The following POLRMT variants were observed in gnomAD, a reference collection of about 807,000 sequenced individuals.
The protein encoded by POLRMT is RNA polymerase mitochondrial.
POLRMT carries 114 observed loss-of-function variants against 132.2 expected under a neutral mutation model. The ratio of observed to expected loss-of-function variants is 0.86; its 90% confidence interval spans 0.74 to 1.01. POLRMT has a LOEUF of 1.01. Among genes scored for constraint, POLRMT ranks in the 50% least tolerant of loss-of-function variants. The pLI is 0.00. For synonymous variants in POLRMT, 1,020 were observed against 773.4 expected (o/e 1.32, Z -5.29); for missense variants, 2,003 against 1,729.1 (o/e 1.16, Z -2.81).
chr19:632,639 G>A (rs1157518303), intron 2 of POLRMT, among the ~76,000 whole-genome samples, 195 bp downstream of exon 2: 2 of 152,206 alleles, frequency 1.3e-5, no homozygotes, highest in African/African-American at 4.8e-5. Flanking sequence ...GAGAGCTCCA[G>A]GAAGGAGCCT....
At chr19:626,455 T>C (rs1025786942) in intron 3 of POLRMT, among the ~76,000 whole-genome samples, 4 of 146,878 alleles carry the variant, frequency 2.7e-5, no homozygotes, top group African/African-American at 1.0e-4. Context: ...CGCCCAGCCA[T>C]GTATAGCTTA....
At chr19:631,481 T>C (rs563657705) in intron 2 of POLRMT, among the ~76,000 whole-genome samples, 123 of 151,498 alleles carry the variant, frequency 8.1e-4, no homozygotes, top group African/African-American at 2.8e-3. Context: ...CTACTAAAAA[T>C]ACGAAAAATT....
chr19:624,454 C>T (rs989334570), intron 5 of POLRMT, among the ~76,000 whole-genome samples: 3 of 152,184 alleles, frequency 2.0e-5, no homozygotes, highest in South Asian at 2.1e-4. Flanking sequence ...ACCTGGCAGC[C>T]CCACTCAAAC....
At chr19:623,346 C>T (rs1984777461) in intron 6 of POLRMT, 108 bp downstream of exon 6, 12 of 1,504,386 alleles carry the variant, frequency 8.0e-6, no homozygotes, top group South Asian at 2.6e-5. Context: ...CACGCGACCC[C>T]GGCTCAGCCC....
Position 617,227 on chromosome 19 carries a change from G to A in POLRMT, c.*47C>T, listed in dbSNP as rs781567525. 1.2e-6 allele frequency: 2 copies of A among 1,601,796 alleles called. No homozygotes were observed. The highest frequency in any genetic ancestry group is 1.3e-5 in the African/African-American group (1 of 74,822). ...CCTTCCTGAAGACAGTGGCTCCTGG[G>A]GGTGGCAAAAGAGCTTTATTTACAC... On this transcript the variant is annotated 3_prime_UTR_variant, in exon 21 of 21. Transcript: ENST00000588649.
In POLRMT at chr19:620,148, C is replaced by G. The variant is rs1454714707; in HGVS notation, c.2764-68G>C. 1.9e-5 allele frequency: 29 copies of G among 1,521,516 alleles called. No individual in the cohort carries two copies. In the Admixed American group the frequency reaches 5.7e-4, roughly 30 times the overall value. 94.3% of individuals were successfully genotyped at this position (1,521,516 alleles called of 1,614,324 possible). A position where few individuals can be genotyped will look rare whatever the true frequency, so the allele number is the denominator to read the frequency against. ...AGAGACGTGTGGGACCCCAAACCAC[C>G]CCCCAGGTCGAGCCGTTCCTAGGGC... On this transcript the variant is annotated intron_variant, in intron 11 of 20. Transcript: ENST00000588649.
intron 3 of POLRMT, among the ~76,000 whole-genome samples, chr19:626,035 A>C (rs189558293): frequency 9.8e-4 from 149 of 151,916 alleles, no homozygotes; most frequent in Non-Finnish European, 1.5e-4. Flanking sequence ...TTGTGACTAT[A>C]AATTACCCTG....
intron 8 of POLRMT, 58 bp downstream of exon 8, chr19:622,524 G>T: frequency 6.6e-7 from 1 of 1,524,494 alleles, no homozygotes; most frequent in African/African-American, 1.4e-5. Flanking sequence ...GCTCCAGGGA[G>T]GGAGAGCGCC....
At position 617,710 on chromosome 19, in the gene POLRMT, C is replaced by T. The variant is rs1600550785; in HGVS notation, c.3496-55G>A. 5 of 1,611,048 alleles carry T rather than the reference C, an allele frequency of 3.1e-6. No homozygotes were observed. The South Asian group carries it at 4.4e-5, about 14-fold the overall frequency. On this transcript the variant is annotated intron_variant, in intron 18 of 20. Transcript: ENST00000588649. Reference sequence around the variant, plus strand: ...TGATCAGGCAGGCTCTGGGCACCACCCCTACCCAACGCCCCAGTGTGGGGG... The same window carrying T: ...TGATCAGGCAGGCTCTGGGCACCACTCCTACCCAACGCCCCAGTGTGGGGG...
In POLRMT at chr19:631,327, C is replaced by CA. The variant is rs902588773; in HGVS notation, c.194-1160dup. On this transcript the variant is annotated intron_variant, in intron 2 of 20. Transcript: ENST00000588649. ...TGAGAGACAGAGCAGGACCCTGTCT[C>CA]AAAAAAAAAAAGGGGGGGGGGGACC... Among the ~76,000 whole-genome samples, 190 of 60,560 alleles carry CA rather than the reference C, an allele frequency of 3.1e-3. 3 individuals are homozygous for CA. The highest frequency in any genetic ancestry group is 0.012 in the Middle Eastern group (1 of 84). The allele number at this position is 60,560 out of a possible 152,430, so 39.7% of individuals were successfully genotyped here.
chr19:629,703 G>A lies in POLRMT; in HGVS notation c.659C>T (p.Ser220Leu). The change falls in exon 3 of 21, where the codon TCA becomes TTA. Residue 220 changes from serine to leucine, a missense_variant. Transcript: ENST00000588649. ...PSGQHSQAQL[S>L]GQQQRLLAFF... ...GGCCAGGAGCCTCTGCTGCTGACCT[G>A]AGAGCTGGGCCTGCGAGTGCTGCCC... The A allele has an allele frequency of 6.2e-7, 1 of 1,602,828 alleles. No individual in the cohort carries two copies. Among genetic ancestry groups the A allele is most frequent in the Non-Finnish European group, 8.5e-7 (1 of 1,175,390 alleles).
intron 9 of POLRMT, 85 bp from the exon 10 acceptor site, chr19:621,931 G>A (rs1048961881): frequency 2.0e-6 from 3 of 1,470,058 alleles, no homozygotes; most frequent in Non-Finnish European, 2.7e-6. Flanking sequence ...AGAGGGGCCG[G>A]CTCCCCGGCC....
Position 619,191 on chromosome 19 carries a change from GGGACA to G in POLRMT, c.3153+14_3153+18del. On this transcript the variant is annotated intron_variant, in intron 14 of 20. Transcript: ENST00000588649. The stretch of plus-strand genomic sequence containing the variant: ...TTGCTTAGGGAGTCCTGGCCGAGCG[GGGACA>G]GGACAGGACGTACCTGGATGGCCCG... The G allele has an allele frequency of 1.2e-6, 2 of 1,610,528 alleles. No homozygotes were observed. The highest frequency in any genetic ancestry group is 1.7e-6 in the Non-Finnish European group (2 of 1,178,428).
chr19:617,701 G>C (rs942626606), intron 18 of POLRMT, 46 bp from the exon 19 acceptor site: 35 of 1,611,584 alleles, frequency 2.2e-5, no homozygotes, highest in Non-Finnish European at 2.4e-5. Flanking sequence ...GGCAGGCTCT[G>C]GGCACCACCC....
At chr19:633,113 G>A (rs1985549765) in intron 1 of POLRMT, 175 bp from the exon 2 acceptor site, 2 of 614,594 alleles carry the variant, frequency 3.3e-6, no homozygotes, top group Admixed American at 3.5e-5. Flanking sequence ...GCCCCGCCGC[G>A]GCGAACACGG....
At position 631,553 on chromosome 19, in the gene POLRMT, T is replaced by G. The variant is rs529136314; in HGVS notation, c.193+1281A>C. ...ACTCGGGAGGTTGAGGCAGGAGAAT[T>G]GCTTGAACTCGGGAGGCGGAGGCTG... is the stretch of plus-strand genomic sequence containing the variant. On this transcript the variant is annotated intron_variant, in intron 2 of 20. Coordinates refer to ENST00000588649, the MANE Select transcript of POLRMT (RefSeq NM_005035.4). Among the ~76,000 whole-genome samples, 5 of 151,758 alleles carry G rather than the reference T, an allele frequency of 3.3e-5. No individual in the cohort carries two copies. In the East Asian group the frequency reaches 9.8e-4, roughly 30 times the overall value.
At position 622,685 on chromosome 19, in the gene POLRMT, G is replaced by A; in HGVS notation, c.1523C>T (p.Thr508Ile). 1.9e-6 allele frequency: 3 copies of A among 1,605,372 alleles called. No homozygotes were observed. The highest frequency in any genetic ancestry group is 1.7e-6 in the Non-Finnish European group (2 of 1,177,224). ...CCTCTGCACCACGTGCCGGCTGAAAGTGCGCGCACTCAGCTCCCGGGCCAG... is the reference window on the plus strand; with the variant it reads ...CCTCTGCACCACGTGCCGGCTGAAAATGCGCGCACTCAGCTCCCGGGCCAG... ...TTLARELSAR[T>I]FSRHVVQRQR... The change falls in exon 8 of 21, where the codon ACT becomes ATT. Residue 508 changes from threonine to isoleucine, a missense_variant. Coordinates refer to ENST00000588649, the MANE Select transcript of POLRMT (RefSeq NM_005035.4).
In POLRMT at chr19:622,180, T is replaced by C. The variant is rs1181296708; in HGVS notation, c.1820A>G (p.Tyr607Cys). 4 of 1,571,668 alleles carry C rather than the reference T, an allele frequency of 2.5e-6. No individual in the cohort carries two copies. Among genetic ancestry groups the C allele is most frequent in the East Asian group, 2.4e-5 (1 of 42,216 alleles). The part of the protein sequence containing the change: ...HRSSRLVPVL[Y>C]HVYSFRNVQQ... ...GACGTTGCGGAAGGAATACACGTGGTAGAGCACGGGGACAAGCCGAGAGGA... is the reference window on the plus strand; with the variant it reads ...GACGTTGCGGAAGGAATACACGTGGCAGAGCACGGGGACAAGCCGAGAGGA... Residue 607 changes from tyrosine to cysteine, a missense_variant, in exon 9 of 21, where the codon TAC becomes TGC. Tyr to Cys is a radical substitution (Grantham distance 194). Coordinates refer to ENST00000588649, the MANE Select transcript of POLRMT (RefSeq NM_005035.4).
At chr19:630,671 C>T (rs1290399200) in intron 2 of POLRMT, among the ~76,000 whole-genome samples, 1 of 152,166 alleles carries the variant, frequency 6.6e-6, no homozygotes, top group African/African-American at 2.4e-5. Context: ...GTTCGCACCC[C>T]GCCTCAGCAA....
Sources: allele counts gnomAD v4.1 joint callset (sites outside exome capture counted in the v4.1 genomes callset), GRCh38; gene constraint gnomAD v4.1.1; transcripts MANE v1.5; gene names NCBI Gene and HGNC (gene_info 2026-07-23, HGNC 2026-07-21).